The following DDX60 variants were observed in gnomAD, a reference collection of about 807,000 sequenced individuals.
The protein encoded by DDX60 is DExD/H-box helicase 60.
Under a neutral mutation model 212.8 loss-of-function variants are expected in DDX60, and 165 were observed. That is an observed-to-expected ratio of 0.78 (90% confidence interval 0.68 to 0.88). DDX60 has a LOEUF of 0.88. Among genes scored for constraint, DDX60 ranks in the 40% least tolerant of loss-of-function variants. DDX60 has a pLI of 0.00. For synonymous variants in DDX60, 703 were observed against 685.3 expected, an observed-to-expected ratio of 1.03 and a Z score of -0.40; for missense variants, 1,905 against 2,003.9, an observed-to-expected ratio of 0.95 and a Z score of 0.94.
intron 8 of DDX60, among the ~76,000 whole-genome samples, chr4:168,290,002 C>T (rs1431011233): frequency 6.6e-6 from 1 of 152,180 alleles, no homozygotes. Flanking sequence ...AATGCAAGTG[C>T]CACTCATCCA....
chr4:168,296,823 AT>A (rs1736362282), intron 6 of DDX60, among the ~76,000 whole-genome samples: 1 of 151,862 alleles, frequency 6.6e-6, no homozygotes, highest in Admixed American at 6.6e-5. Flanking sequence ...CTAAGTCTAC[AT>A]TCTAAATATG....
Position 168,291,747 on chromosome 4 carries a change from C to T in DDX60, c.1041+1G>A. The T allele has an allele frequency of 1.3e-6, 2 of 1,574,390 alleles. No individual in the cohort carries two copies. Among genetic ancestry groups the T allele is most frequent in the East Asian group, 4.6e-5 (2 of 43,890 alleles). ...AGTAAACTAATAAAGAGTACATTTA[C>T]CATTTGTAATAAAGGCTTCATGTCC... On this transcript the variant is annotated splice_donor_variant, in intron 8 of 37. Transcript: ENST00000393743. LOFTEE classifies it high-confidence loss of function.
chr4:168,248,823 G>T (rs557506664), intron 28 of DDX60, among the ~76,000 whole-genome samples: 45 of 151,022 alleles, frequency 3.0e-4, no homozygotes, highest in South Asian at 1.0e-3. Flanking sequence ...GCAATGGCAC[G>T]ATCTCGGCTC....
intron 10 of DDX60, among the ~76,000 whole-genome samples, chr4:168,286,756 A>C (rs1368850565): frequency 6.6e-6 from 1 of 152,160 alleles, no homozygotes; most frequent in Non-Finnish European, 1.5e-5. Context: ...TGCTTTACAC[A>C]AAGAGATTTT....
chr4:168,222,480 A>C (rs780182957), intron 35 of DDX60, among the ~76,000 whole-genome samples: 8 of 152,112 alleles, frequency 5.3e-5, no homozygotes, highest in Non-Finnish European at 1.0e-4. Context: ...TTACAAATAA[A>C]TTTTAACAAC....
chr4:168,309,025 G>C (rs1028579855), intron 3 of DDX60, among the ~76,000 whole-genome samples: 2 of 152,102 alleles, frequency 1.3e-5, no homozygotes, highest in East Asian at 1.9e-4. Context: ...TCAGAGTTGA[G>C]AGAAGTGTAA....
At chr4:168,227,109 A>G (rs1341125298) in intron 33 of DDX60, among the ~76,000 whole-genome samples, 2 of 152,116 alleles carry the variant, frequency 1.3e-5, no homozygotes, top group Non-Finnish European at 2.9e-5. Flanking sequence ...AAGATATACA[A>G]ACTGGTGTTT....
intron 13 of DDX60, among the ~76,000 whole-genome samples, chr4:168,281,673 A>C (rs1409903386): frequency 6.6e-6 from 1 of 152,240 alleles, no homozygotes; most frequent in Non-Finnish European, 1.5e-5. Flanking sequence ...CTACAAAGAC[A>C]AATTAGAGAA....
At chr4:168,258,004 T>C (rs1734482440) in intron 25 of DDX60, among the ~76,000 whole-genome samples, 1 of 152,240 alleles carries the variant, frequency 6.6e-6, no homozygotes, top group African/African-American at 2.4e-5. Context: ...GCTTCAGCAG[T>C]AAATAAAGAA....
rs954297777 is a variant in DDX60, at chr4:168,280,146, C to A, written c.1978+189G>T. ...ATTTGGTACTATCCACAGTTTCAGG[C>A]AACCATTGTGGGTCTTAGAACATAC... On this transcript the variant is annotated intron_variant, in intron 14 of 37. Coordinates refer to ENST00000393743, the MANE Select transcript of DDX60 (RefSeq NM_017631.6). 3.9e-5 allele frequency among the ~76,000 whole-genome samples: 6 copies of A among 152,284 alleles called. No homozygotes were observed. In the East Asian group the frequency reaches 7.7e-4, roughly 20 times the overall value.
chr4:168,229,955 G>C (rs1056601000), intron 33 of DDX60, among the ~76,000 whole-genome samples: 1 of 151,960 alleles, frequency 6.6e-6, no homozygotes, highest in Non-Finnish European at 1.5e-5. Flanking sequence ...CACCAACCAA[G>C]TATCTGCTGT....
chr4:168,235,586 T>C (rs546258756), intron 33 of DDX60, among the ~76,000 whole-genome samples: 2 of 152,232 alleles, frequency 1.3e-5, no homozygotes, highest in East Asian at 3.9e-4. Context: ...ATTGTGGGAT[T>C]AGAAAATATA....
intron 22 of DDX60, among the ~76,000 whole-genome samples, chr4:168,264,505 T>C (rs538280911): frequency 1.3e-4 from 20 of 151,492 alleles, no homozygotes; most frequent in African/African-American, 4.9e-4. Flanking sequence ...AAATCCAAGA[T>C]TTATTATAAT....
rs202072459 is a variant in DDX60 at position 168,241,398 on chromosome 4, GAA to G, written c.4165-3605_4165-3604del. On this transcript the variant is annotated intron_variant, in intron 30 of 37. Transcript: ENST00000393743. ...CTCAGAAGCAGACAGGAACATGTGG[GAA>G]AGTTTGGAACTCCCTAAAGACTTCT... 1.9e-4 allele frequency among the ~76,000 whole-genome samples: 29 copies of G among 152,264 alleles called. No individual in the cohort carries two copies. The East Asian group carries it at 4.3e-3, about 22-fold the overall frequency.
At position 168,237,322 on chromosome 4, in the gene DDX60, C is replaced by T; in HGVS notation, c.4375G>A (p.Gly1459Arg). 6.3e-7 allele frequency: 1 copy of T among 1,586,726 alleles called. No homozygotes were observed. Among genetic ancestry groups the T allele is most frequent in the Non-Finnish European group, 8.6e-7 (1 of 1,167,024 alleles). The change falls in exon 32 of 38, where the codon GGA (glycine) becomes AGA (arginine). Residue 1459 changes from glycine (G) to arginine (R), a missense_variant. By Grantham distance (125) the Gly-to-Arg change is moderately radical (BLOSUM62 -2). Coordinates refer to ENST00000393743, the MANE Select transcript of DDX60 (RefSeq NM_017631.6). Reference sequence around the variant, plus strand: ...GGCTGACAGAGATCATGGAAGAGTCCATTTACAAGAAAACTGACAAAAACA... The same window carrying T: ...GGCTGACAGAGATCATGGAAGAGTCTATTTACAAGAAAACTGACAAAAACA... ...NLVFVSFLVN[G>R]LFHDLCQPTR...
At chr4:168,224,801 T>G (rs1318868594) in intron 34 of DDX60, among the ~76,000 whole-genome samples, 1 of 151,604 alleles carries the variant, frequency 6.6e-6, no homozygotes, top group African/African-American at 2.4e-5. Context: ...ATAAATATAT[T>G]TTCCATTTAT....
intron 30 of DDX60, among the ~76,000 whole-genome samples, chr4:168,239,410 A>ATAGG (rs1733758633): frequency 6.6e-6 from 1 of 151,510 alleles, no homozygotes; most frequent in Non-Finnish European, 1.5e-5. Context: ...AGATAGATAG[A>ATAGG]TAGAGGTAGG....
chr4:168,282,502 C>A (rs1183345170), intron 13 of DDX60, among the ~76,000 whole-genome samples: 1 of 152,080 alleles, frequency 6.6e-6, no homozygotes, highest in Non-Finnish European at 1.5e-5. Flanking sequence ...GATAACTTCA[C>A]CACGTTTATT....
At chr4:168,270,677 T>C (rs939316767) in intron 19 of DDX60, among the ~76,000 whole-genome samples, 8 of 152,114 alleles carry the variant, frequency 5.3e-5, no homozygotes, top group African/African-American at 1.4e-4. Context: ...CAAAAATAAA[T>C]ATAATAAATC....
Sources: gnomAD v4.1 joint callset for allele counts (sites outside exome capture counted in the v4.1 genomes callset) on GRCh38, gnomAD v4.1.1 for gene constraint, MANE v1.5 for transcripts, NCBI Gene and HGNC (gene_info 2026-07-23, HGNC 2026-07-21) for gene names.